Variants in DLGAP1 observed in about 807,000 individuals in gnomAD.
DLGAP1 encodes the protein DLG associated protein 1, also known as disks large-associated protein 1.
A neutral mutation model predicts 90.8 loss-of-function variants in DLGAP1; 11 were observed. The ratio of observed to expected loss-of-function variants is 0.12; its 90% confidence interval spans 0.08 to 0.20. DLGAP1 has a LOEUF of 0.20. Ranked by LOEUF, DLGAP1 falls within the 10% of genes least tolerant of loss-of-function variation. The probability of loss-of-function intolerance (pLI) is 1.00; values close to 1 mark genes in which losing one functional copy is unlikely to be tolerated. For missense variants in DLGAP1, 1,050 were observed against 1,333.8 expected (o/e 0.79, Z 3.31); for synonymous variants, 558 against 540.7 (o/e 1.03, Z -0.44).
intron 1 of DLGAP1, among the ~76,000 whole-genome samples, chr18:4,258,903 A>C (rs994631213): frequency 6.6e-6 from 1 of 152,054 alleles, no homozygotes; most frequent in African/African-American, 2.4e-5. Flanking sequence ...ACTCCTTCCA[A>C]CCCTTCATCT....
chr18:3,901,331 G>T lies in DLGAP1; in HGVS notation c.-72-21191C>A, dbSNP rs528005801. On this transcript the variant is annotated intron_variant, in intron 3 of 12. Coordinates refer to ENST00000315677, the MANE Select transcript of DLGAP1 (RefSeq NM_004746.4). Reference sequence around the variant, plus strand: ...CCAAATCTAGTAAGGCTCTGCAATTGTCTCCTACACTCATTTCCTTCCTTC... The same window carrying T: ...CCAAATCTAGTAAGGCTCTGCAATTTTCTCCTACACTCATTTCCTTCCTTC... Among the ~76,000 whole-genome samples, 21 of 152,132 alleles carry T rather than the reference G, an allele frequency of 1.4e-4. 1 individual carries two copies. The South Asian group carries it at 4.4e-3, about 32-fold the overall frequency.
intron 1 of DLGAP1, among the ~76,000 whole-genome samples, chr18:4,384,976 C>T (rs1028382614): frequency 1.4e-5 from 2 of 140,030 alleles, no homozygotes; most frequent in East Asian, 1.9e-4. Context: ...TTGCTGATTC[C>T]GAACTCCACT....
chr18:4,033,808 C>T (rs1201004127), intron 2 of DLGAP1, among the ~76,000 whole-genome samples: 1 of 150,224 alleles, frequency 6.7e-6, no homozygotes, highest in Non-Finnish European at 1.5e-5. Context: ...GGTGCAATCT[C>T]GGCTCACTGC....
rs1321665062 is a variant in DLGAP1 at position 3,517,732 on chromosome 18, A to G, written c.2480-9071T>C. Reference sequence around the variant, plus strand: ...CTCAGGAGGCTGAGGCAGGAGAATCACTTGAACCCGGGAGGCAGAGGTTGC... The same window carrying G: ...CTCAGGAGGCTGAGGCAGGAGAATCGCTTGAACCCGGGAGGCAGAGGTTGC... On this transcript the variant is annotated intron_variant, in intron 10 of 12. Transcript: ENST00000315677. This position sits in a 1 kb window ranked among gnomAD's most constrained non-coding sequence, Gnocchi z 4.1. Among the ~76,000 whole-genome samples, 2 of 151,740 alleles carry G rather than the reference A, an allele frequency of 1.3e-5. No homozygotes were observed. The highest frequency in any genetic ancestry group is 2.9e-5 in the Non-Finnish European group (2 of 67,976).
intron 1 of DLGAP1, among the ~76,000 whole-genome samples, chr18:4,268,458 G>T (rs2079180844): frequency 6.6e-6 from 1 of 152,112 alleles, no homozygotes. Context: ...GCTGAAATAG[G>T]TATTAGGATA....
At chr18:4,326,223 C>G (rs189767771) in intron 1 of DLGAP1, among the ~76,000 whole-genome samples, 1 of 152,038 alleles carries the variant, frequency 6.6e-6, no homozygotes, top group Admixed American at 6.6e-5. Context: ...GACACACATG[C>G]AGCCAATAAA....
intron 2 of DLGAP1, among the ~76,000 whole-genome samples, chr18:4,130,713 A>G (rs922264010): frequency 2.6e-5 from 4 of 152,136 alleles, no homozygotes; most frequent in Admixed American, 1.3e-4. Context: ...AGAGCGGCAC[A>G]TTGCGACTAA....
intron 9 of DLGAP1, among the ~76,000 whole-genome samples, chr18:3,535,523 C>T (rs879553076): frequency 8.0e-5 from 12 of 150,910 alleles, no homozygotes; most frequent in African/African-American, 2.0e-4. Flanking sequence ...CTGGCTAACA[C>T]GGTGAAACCC....
intron 1 of DLGAP1, among the ~76,000 whole-genome samples, chr18:4,195,655 G>A (rs1175612330): frequency 6.6e-6 from 1 of 152,100 alleles, no homozygotes; most frequent in Non-Finnish European, 1.5e-5. Flanking sequence ...GGGTTCAAGA[G>A]AATCTCCTGC....
intron 10 of DLGAP1, among the ~76,000 whole-genome samples, chr18:3,524,555 T>A (rs192965476): frequency 6.6e-6 from 1 of 152,222 alleles, no homozygotes; most frequent in African/African-American, 2.4e-5. Flanking sequence ...TTCAATAGCA[T>A]ATAAACCTCA....
chr18:4,152,610 C>T (rs542625490), intron 1 of DLGAP1, among the ~76,000 whole-genome samples: 30 of 152,154 alleles, frequency 2.0e-4, no homozygotes, highest in Middle Eastern at 3.2e-3. Context: ...TATTTTGAGA[C>T]TGGCAAAGCT....
intron 3 of DLGAP1, among the ~76,000 whole-genome samples, chr18:3,951,979 A>G (rs1258729927): frequency 6.6e-6 from 1 of 152,216 alleles, no homozygotes; most frequent in African/African-American, 2.4e-5. Context: ...CTATTAACTG[A>G]GTATCAGTTT....
At chr18:3,859,220 T>C (rs1244853561) in intron 4 of DLGAP1, among the ~76,000 whole-genome samples, 2 of 152,192 alleles carry the variant, frequency 1.3e-5, no homozygotes, top group Admixed American at 6.5e-5. Context: ...AAATGGATGG[T>C]ATTTTCATTT....
rs1381230044 is a variant in DLGAP1 at position 4,333,127 on chromosome 18, T to C, written c.-267+121879A>G. On this transcript the variant is annotated intron_variant, in intron 1 of 12. Coordinates refer to ENST00000315677, the MANE Select transcript of DLGAP1 (RefSeq NM_004746.4). Reference sequence around the variant, plus strand: ...ATTCAATGGCTAAAAACTATGACCATTTACTTAGCTCACGATTCTGCTGAG... The same window carrying C: ...ATTCAATGGCTAAAAACTATGACCACTTACTTAGCTCACGATTCTGCTGAG... Among the ~76,000 whole-genome samples the C allele has an allele frequency of 5.3e-5, 8 of 152,112 alleles. 1 individual carries two copies. The highest frequency in any genetic ancestry group is 1.3e-4 in the Admixed American group (2 of 15,280).
At chr18:3,583,029 G>T (rs1241364537) in intron 7 of DLGAP1, among the ~76,000 whole-genome samples, 1 of 152,060 alleles carries the variant, frequency 6.6e-6, no homozygotes, top group African/African-American at 2.4e-5. Flanking sequence ...AAGGACAGAA[G>T]AGGAAGCTGT....
intron 6 of DLGAP1, among the ~76,000 whole-genome samples, chr18:3,730,049 CCAT>C (rs2062362744): frequency 6.6e-6 from 1 of 152,168 alleles, no homozygotes; most frequent in Non-Finnish European, 1.5e-5. Flanking sequence ...TTGAAAAGCA[CCAT>C]CAAGATTTTC....
intron 3 of DLGAP1, among the ~76,000 whole-genome samples, chr18:3,922,903 G>A (rs368366432): frequency 2.0e-5 from 3 of 150,572 alleles, no homozygotes; most frequent in African/African-American, 4.8e-5. Context: ...GAGGCTGAGC[G>A]GGGAGGATCT....
Position 3,901,511 on chromosome 18 carries a change from T to A in DLGAP1, c.-72-21371A>T, listed in dbSNP as rs1195785941. On this transcript the variant is annotated intron_variant, in intron 3 of 12. Transcript: ENST00000315677. ...CACATGAAGGAACCCTGGAGCTGGT[T>A]CCCTAGGGATGTTGGCCACCATGCT... Among the ~76,000 whole-genome samples the A allele has an allele frequency of 2.6e-5, 4 of 152,122 alleles. 1 individual carries two copies. Among genetic ancestry groups the A allele is most frequent in the Admixed American group, 2.6e-4 (4 of 15,270 alleles).
At chr18:4,443,386 C>T (rs1417290125) in intron 1 of DLGAP1, among the ~76,000 whole-genome samples, 1 of 152,202 alleles carries the variant, frequency 6.6e-6, no homozygotes, top group African/African-American at 2.4e-5. Flanking sequence ...CATCATCTAG[C>T]ACCAACCATT....
Sources: gnomAD v4.1 joint callset for allele counts (sites outside exome capture counted in the v4.1 genomes callset) on GRCh38, gnomAD v4.1.1 for gene constraint, Gnocchi (gnomAD v3.1) non-coding constraint, MANE v1.5 for transcripts, NCBI Gene and HGNC (gene_info 2026-07-23, HGNC 2026-07-21) for gene names.